The following CFAP46 variants were observed in gnomAD, a reference collection of about 807,000 sequenced individuals.
The protein encoded by CFAP46 is cilia- and flagella-associated protein 46.
CFAP46 carries 245 observed loss-of-function variants against 325.7 expected under a neutral mutation model. The ratio of observed to expected loss-of-function variants is 0.75; its 90% CI spans 0.68 to 0.84. CFAP46 has a LOEUF of 0.84. Among genes scored for constraint, CFAP46 ranks in the 40% least tolerant of loss-of-function variants. The pLI is 0.00. For synonymous variants in CFAP46, 1,523 were observed against 1,495.9 expected (o/e 1.02, Z -0.42); for missense variants, 3,346 against 3,543.0 (o/e 0.94, Z 1.41).
Position 132,814,204 on chromosome 10 carries a change from C to G in CFAP46, c.7336G>C (p.Asp2446His). The change falls in exon 54 of 58, where the codon GAC becomes CAC. Residue 2446 changes from aspartate (D) to histidine (H), a missense_variant. By Grantham distance (81) the Asp-to-His change is moderately conservative. Coordinates refer to ENST00000368586, the MANE Select transcript of CFAP46 (RefSeq NM_001200049.3). Reference sequence around the variant, plus strand: ...CCCGCCCATCGCGACGTGAATGTGTCTTGGAATCTTTCCAAAATGTCTTGG... The same window carrying G: ...CCCGCCCATCGCGACGTGAATGTGTGTTGGAATCTTTCCAAAATGTCTTGG... ...ITQDILERFQDTFTSRWAGHL... is the reference protein window; with the variant it reads ...ITQDILERFQHTFTSRWAGHL... The G allele has an allele frequency of 6.2e-7, 1 of 1,613,978 alleles. No individual in the cohort carries two copies. The highest frequency in any genetic ancestry group is 8.5e-7 in the Non-Finnish European group (1 of 1,179,998).
intron 11 of CFAP46, among the ~76,000 whole-genome samples, chr10:132,924,237 C>T (rs1340011650): frequency 4.0e-5 from 6 of 150,648 alleles, no homozygotes; most frequent in African/African-American, 1.5e-4. Context: ...TGATGCCTGC[C>T]GCCTGCCTGC....
Position 132,908,462 on chromosome 10 carries a change from A to C in CFAP46, c.2924+6T>G, listed in dbSNP as rs1008215484. ...GGGAATTTGTCCAGTCATGAGGGTT[A>C]CTTACGGCCCAAATTTCTTCAGGTA... On this transcript the variant is annotated splice_donor_region_variant and intron_variant, in intron 22 of 57. Transcript: ENST00000368586. The C allele has an allele frequency of 2.6e-6, 4 of 1,550,326 alleles. No homozygotes were observed. Among genetic ancestry groups the C allele is most frequent in the Admixed American group, 2.0e-5 (1 of 50,986 alleles).
chr10:132,908,065 C>A lies in CFAP46; in HGVS notation c.2924+403G>T, dbSNP rs563486324. On this transcript the variant is annotated intron_variant, in intron 22 of 57. Coordinates refer to ENST00000368586, the MANE Select transcript of CFAP46 (RefSeq NM_001200049.3). ...CACGCGGCCAGCAGGCCACACACCC[C>A]TCCTGCTGAGGCCCACGTGACTTCA... is the stretch of plus-strand genomic sequence containing the variant. 6.6e-5 allele frequency among the ~76,000 whole-genome samples: 10 copies of A among 152,382 alleles called. No individual in the cohort carries two copies. In the East Asian group the frequency reaches 1.7e-3, roughly 26 times the overall value.
chr10:132,824,852 G>A (rs527890829), intron 50 of CFAP46, among the ~76,000 whole-genome samples: 1 of 138,466 alleles, frequency 7.2e-6, no homozygotes, highest in African/African-American at 2.7e-5. Context: ...GAGCGCTGAT[G>A]TGTGTGTGTG....
Position 132,885,096 on chromosome 10 carries a change from T to G in CFAP46, c.3627+7A>C. On this transcript the variant is annotated splice_region_variant and intron_variant, in intron 27 of 57. Coordinates refer to ENST00000368586, the MANE Select transcript of CFAP46 (RefSeq NM_001200049.3). ...TACCACGTGCACCCACGCTTACGGC[T>G]TCACACCTGCAAGGCCTGGATGGCG... 1 of 1,541,936 alleles carries G rather than the reference T, an allele frequency of 6.5e-7. No individual in the cohort carries two copies. Among genetic ancestry groups the G allele is most frequent in the Non-Finnish European group, 8.8e-7 (1 of 1,141,514 alleles).
At chr10:132,870,737 G>A (rs1237487717) in intron 32 of CFAP46, among the ~76,000 whole-genome samples, 4 of 152,174 alleles carry the variant, frequency 2.6e-5, no homozygotes, top group African/African-American at 9.7e-5. Context: ...TGAGGTTTCT[G>A]GACAGAAGCT....
chr10:132,822,043 T>C (rs1847856437), intron 50 of CFAP46, among the ~76,000 whole-genome samples: 1 of 143,046 alleles, frequency 7.0e-6, no homozygotes, highest in Non-Finnish European at 1.5e-5. Flanking sequence ...TGATGTGTGC[T>C]GATGTGTGCT....
intron 26 of CFAP46, 37 bp downstream of exon 26, chr10:132,885,784 G>T: frequency 7.0e-7 from 1 of 1,427,912 alleles, no homozygotes; most frequent in Non-Finnish European, 9.2e-7. Flanking sequence ...CTCAGGCGGT[G>T]GAGGGAGCAC....
At chr10:132,917,793 A>G (rs1323435967) in intron 16 of CFAP46, among the ~76,000 whole-genome samples, 1 of 152,166 alleles carries the variant, frequency 6.6e-6, no homozygotes, top group African/African-American at 2.4e-5. Flanking sequence ...GGCCACGTGG[A>G]CACCAACACC....
chr10:132,859,695 C>T (rs1848697275), intron 37 of CFAP46, among the ~76,000 whole-genome samples: 1 of 152,166 alleles, frequency 6.6e-6, no homozygotes, highest in South Asian at 2.1e-4. Context: ...CCTGGGCTGC[C>T]CTCGCGCCAA....
In CFAP46 at chr10:132,828,940, C is replaced by T. The variant is rs151160625; in HGVS notation, c.7117+4418G>A. ...CCATCCCCTGGGTCTACACGGCTAC[C>T]GTCACGCCTGCGCTCCACTGTATCA... On this transcript the variant is annotated intron_variant, in intron 50 of 57. Transcript: ENST00000368586. The surrounding 1 kb of genome is among the most constrained non-coding windows in gnomAD (Gnocchi z 4.9). Among the ~76,000 whole-genome samples, 1,471 of 152,076 alleles carry T rather than the reference C, an allele frequency of 9.7e-3. 9 individuals are homozygous for T. The highest frequency in any genetic ancestry group is 0.015 in the South Asian group (72 of 4,828).
At position 132,812,891 on chromosome 10, in the gene CFAP46, G is replaced by A. The variant is rs1428643025; in HGVS notation, c.7395C>T (p.Ala2465=). The A allele has an allele frequency of 6.2e-7, 1 of 1,607,308 alleles. No homozygotes were observed. Among genetic ancestry groups the A allele is most frequent in the East Asian group, 2.2e-5 (1 of 44,886 alleles). ...HLGSKHFPSQ[A]QWEQALGSCS... ...AGCTGCCCAGGGCCTGCTCCCACTG[G>A]GCCTGGCTGCAGAGAGAGGAGAGCG... The change falls in exon 55 of 58, where the codon GCC becomes GCT. Residue 2465 remains alanine, a synonymous_variant. Coordinates refer to ENST00000368586, the MANE Select transcript of CFAP46 (RefSeq NM_001200049.3).
Position 132,920,044 on chromosome 10 carries a change from C to T in CFAP46, c.1730+15G>A, listed in dbSNP as rs1286039859. 3.3e-6 allele frequency: 5 copies of T among 1,530,922 alleles called. No individual in the cohort carries two copies. Among genetic ancestry groups the T allele is most frequent in the African/African-American group, 1.4e-5 (1 of 72,342 alleles). The allele number at this position is 1,530,922 out of a possible 1,614,324, so 94.8% of individuals were successfully genotyped here. A position where few individuals can be genotyped will look rare whatever the true frequency, so the allele number is the denominator to read the frequency against. ...GCTGAGCTGTGCGTGGCGCTCTGGC[C>T]TTTTCCTCACTCACCTCTCCTTGTC... On this transcript the variant is annotated intron_variant, in intron 14 of 57. Transcript: ENST00000368586.
rs370557770 is a variant in CFAP46 at position 132,876,398 on chromosome 10, C to G, written c.4362+414G>C. 6.6e-6 allele frequency among the ~76,000 whole-genome samples: 1 copy of G among 152,192 alleles called. No homozygotes were observed. The highest frequency in any genetic ancestry group is 1.5e-5 in the Non-Finnish European group (1 of 68,040). On this transcript the variant is annotated intron_variant, in intron 31 of 57. Transcript: ENST00000368586. This position sits in a 1 kb window ranked among gnomAD's most constrained non-coding sequence, Gnocchi z 4.1. ...AGGCCACGTGACCACAGAGGCTGAC[C>G]GGGATGAGGAAAGAGGGATCTTCCC...
chr10:132,916,619 C>T lies in CFAP46; in HGVS notation c.2050G>A (p.Asp684Asn). ...ELNDRAIPPE[D>N]LSQHPAGYVP... ...TAGCCAGCTGGGTGCTGGCTCAGGT[C>T]TTCGGGGGGGATGGCCCGGTCATTC... The change falls in exon 17 of 58, where the codon GAC becomes AAC. Residue 684 changes from aspartate (D) to asparagine (N), a missense_variant. Transcript: ENST00000368586. 2 of 1,543,190 alleles carry T rather than the reference C, an allele frequency of 1.3e-6. No individual in the cohort carries two copies. The highest frequency in any genetic ancestry group is 8.7e-7 in the Non-Finnish European group (1 of 1,143,580).
intron 57 of CFAP46, 148 bp from the exon 58 acceptor site, chr10:132,809,052 C>T (rs184219943): frequency 1.1e-5 from 9 of 815,220 alleles, no homozygotes; most frequent in African/African-American, 3.5e-5. Context: ...GCCTCCAGGG[C>T]GCCCCCACCA....
At chr10:132,810,818 T>C in intron 56 of CFAP46, 132 bp downstream of exon 56, 2 of 852,382 alleles carry the variant, frequency 2.3e-6, no homozygotes, top group South Asian at 2.9e-5. Flanking sequence ...CTGGAACGCA[T>C]GTGCACCCTG....
intron 39 of CFAP46, among the ~76,000 whole-genome samples, chr10:132,857,314 G>A (rs1848655662): frequency 1.3e-5 from 2 of 152,240 alleles, no homozygotes; most frequent in African/African-American, 4.8e-5. Context: ...TCCATCCTGT[G>A]ACTCAGGTCA....
intron 1 of CFAP46, 135 bp from the exon 2 acceptor site, chr10:132,942,239 A>G: frequency 7.8e-7 from 1 of 1,289,284 alleles, no homozygotes; most frequent in Non-Finnish European, 1.1e-6. Flanking sequence ...TGTCGCCGCC[A>G]GGGAGCAGCG....
Sources: gnomAD v4.1 joint callset for allele counts (sites outside exome capture counted in the v4.1 genomes callset) on GRCh38, gnomAD v4.1.1 for gene constraint, Gnocchi (gnomAD v3.1) non-coding constraint, MANE v1.5 for transcripts, NCBI Gene and HGNC (gene_info 2026-07-23, HGNC 2026-07-21) for gene names.